Variants in ATXN3 observed in about 807,000 individuals in gnomAD.
ATXN3 encodes the protein ataxin-3.
ATXN3 carries 28 observed loss-of-function variants against 58.2 expected under a neutral mutation model. The observed-to-expected ratio is 0.48, with a 90% CI of 0.36 to 0.66. The LOEUF is 0.66. ATXN3 is among the 30% of genes least tolerant of loss of function. ATXN3 has a pLI of 0.00. For synonymous variants in ATXN3, 113 were observed against 138.5 expected (o/e 0.82, Z 1.29); for missense variants, 321 against 422.1 (o/e 0.76, Z 2.10).
At chr14:92,069,074 T>C (rs1273069668) in intron 10 of ATXN3, among the ~76,000 whole-genome samples, 3 of 142,274 alleles carry the variant, frequency 2.1e-5, no homozygotes, top group Non-Finnish European at 4.6e-5. Flanking sequence ...TGAATAAAGA[T>C]GCTATAATCT....
At chr14:92,078,325 T>C (rs1157463283) in intron 9 of ATXN3, among the ~76,000 whole-genome samples, 1 of 151,172 alleles carries the variant, frequency 6.6e-6, no homozygotes, top group Admixed American at 6.6e-5. Flanking sequence ...GAATGTTAGT[T>C]TTTCTAATTA....
At chr14:92,099,854 G>A (rs1308514155) in intron 1 of ATXN3, among the ~76,000 whole-genome samples, 9 of 149,286 alleles carry the variant, frequency 6.0e-5, no homozygotes, top group Non-Finnish European at 1.5e-5. Flanking sequence ...GGGTGACAGG[G>A]CAAGACCAAG....
chr14:92,088,618 A>G (rs1209306194), intron 6 of ATXN3, 112 bp downstream of exon 6: 5 of 784,080 alleles, frequency 6.4e-6, no homozygotes, highest in Non-Finnish European at 8.6e-6. Flanking sequence ...AAAACTAAAG[A>G]TTGTTTCACT....
chr14:92,070,728 G>A, intron 10 of ATXN3: 5 of 1,323,726 alleles, frequency 3.8e-6, no homozygotes, highest in African/African-American at 1.5e-5. Flanking sequence ...TTACAGATGT[G>A]AGCCACCACA....
chr14:92,088,230 C>T (rs997062404), intron 6 of ATXN3, among the ~76,000 whole-genome samples: 2 of 151,982 alleles, frequency 1.3e-5, no homozygotes, highest in South Asian at 2.1e-4. Context: ...CACCACACCC[C>T]GGCTAATTTT....
chr14:92,066,295 A>G (rs2058389503), intron 10 of ATXN3, among the ~76,000 whole-genome samples: 2 of 152,182 alleles, frequency 1.3e-5, no homozygotes, highest in Admixed American at 1.3e-4. Context: ...AATGCCTTAA[A>G]TATTTCCAAT....
chr14:92,088,586 A>C, intron 6 of ATXN3, 144 bp downstream of exon 6: 1 of 679,900 alleles, frequency 1.5e-6, no homozygotes, highest in Non-Finnish European at 2.6e-6. Flanking sequence ...GCGTCACCCA[A>C]ATCACAGCCT....
intron 9 of ATXN3, 27 bp from the exon 10 acceptor site, chr14:92,071,080 T>G: frequency 7.2e-7 from 1 of 1,387,758 alleles, no homozygotes; most frequent in Non-Finnish European, 9.4e-7. Context: ...TGAAGTATAT[T>G]TAAAAAACAA....
At chr14:92,096,930 C>T (rs575135366) in intron 1 of ATXN3, 92 bp from the exon 2 acceptor site, 46 of 1,030,358 alleles carry the variant, frequency 4.5e-5, no homozygotes, top group East Asian at 8.1e-5. Flanking sequence ...TTTTTTGAGA[C>T]GGAGTCTCAC....
intron 5 of ATXN3, among the ~76,000 whole-genome samples, chr14:92,092,713 A>C (rs1428201847): frequency 6.6e-6 from 1 of 152,092 alleles, no homozygotes; most frequent in Admixed American, 6.6e-5. Flanking sequence ...GTCACAAATA[A>C]ATTTATAAGG....
chr14:92,091,560 T>C (rs899524445), intron 5 of ATXN3, among the ~76,000 whole-genome samples: 1 of 152,116 alleles, frequency 6.6e-6, no homozygotes, highest in Admixed American at 6.5e-5. Context: ...GTTTTTGTTT[T>C]TGAATTATCT....
intron 5 of ATXN3, among the ~76,000 whole-genome samples, chr14:92,092,418 T>C (rs924152364): frequency 6.6e-6 from 1 of 152,250 alleles, no homozygotes; most frequent in Non-Finnish European, 1.5e-5. Flanking sequence ...ACATATTTCA[T>C]GTTTTATTTA....
upstream of ATXN3, among the ~76,000 whole-genome samples, chr14:92,052,881 G>C (rs2057453425): frequency 6.6e-6 from 1 of 152,162 alleles, no homozygotes; most frequent in Admixed American, 6.5e-5. Flanking sequence ...GGCTCCTCTT[G>C]CTTGGCTTCC....
At chr14:92,079,670 T>C (rs1349020872) in intron 9 of ATXN3, among the ~76,000 whole-genome samples, 1 of 152,236 alleles carries the variant, frequency 6.6e-6, no homozygotes, top group Admixed American at 6.5e-5. Context: ...GATTGAGCTA[T>C]GACTCTGTTT....
chr14:92,096,018 A>T, intron 3 of ATXN3, 75 bp downstream of exon 3: 1 of 1,195,414 alleles, frequency 8.4e-7, no homozygotes, highest in Non-Finnish European at 1.3e-6. Flanking sequence ...TCGCCTTGTT[A>T]CAGTGACTAT....
In ATXN3 at chr14:92,059,777, C is replaced by CA. The variant is rs2057622798; in HGVS notation, c.*4542dup. On this transcript the variant is annotated 3_prime_UTR_variant, in exon 11 of 11. Transcript: ENST00000644486. ...AGGTTGCAGTGAGCCAACATCGTGTCATTGTACTCCAGCCTGGGCAGCAGA... is the reference window on the plus strand; with the variant it reads ...AGGTTGCAGTGAGCCAACATCGTGTCAATTGTACTCCAGCCTGGGCAGCAGA... 1 of 142,420 alleles carries CA rather than the reference C, an allele frequency of 7.0e-6. No individual in the cohort carries two copies. Among genetic ancestry groups the CA allele is most frequent in the Non-Finnish European group, 1.5e-5 (1 of 66,016 alleles). 8.8% of individuals were successfully genotyped at this position (142,420 alleles called of 1,614,324 possible).
chr14:92,095,478 G>A lies in ATXN3; in HGVS notation c.234+615C>T, dbSNP rs56324055. Among the ~76,000 whole-genome samples, 250 of 54,032 alleles carry A rather than the reference G, an allele frequency of 4.6e-3. 6 individuals are homozygous for A. In the Admixed American group the frequency reaches 0.05, roughly 11 times the overall value. 35.4% of individuals were successfully genotyped at this position (54,032 alleles called of 152,430 possible). A position where few individuals can be genotyped will look rare whatever the true frequency, so the allele number is the denominator to read the frequency against. ...AGGATGGTCTCAATCTCCTGACCTC[G>A]TGATCCGCCCACCTCGGCCTCCCCA... On this transcript the variant is annotated intron_variant, in intron 3 of 10. Transcript: ENST00000644486.
At chr14:92,066,601 GTTTTTTTTTT>G (rs66941473) in intron 10 of ATXN3, among the ~76,000 whole-genome samples, 3 of 107,022 alleles carry the variant, frequency 2.8e-5, no homozygotes, top group Non-Finnish European at 3.7e-5. Context: ...TTTTTTTCTT[GTTTTTTTTTT>G]TTTTTTTTTT....
chr14:92,106,274 C>A (rs756404565), intron 1 of ATXN3, among the ~76,000 whole-genome samples: 2 of 152,156 alleles, frequency 1.3e-5, no homozygotes, highest in Admixed American at 6.5e-5. Context: ...ACCCCACTCC[C>A]GTGTCCCGAG....
Sources: allele counts gnomAD v4.1 joint callset (sites outside exome capture counted in the v4.1 genomes callset), GRCh38; gene constraint gnomAD v4.1.1; transcripts MANE v1.5; gene names NCBI Gene and HGNC (gene_info 2026-07-23, HGNC 2026-07-21).